PCNT: variants seen among roughly 807,000 people sequenced by gnomAD.
PCNT encodes the protein kendrin.
Under a neutral mutation model 380.4 loss-of-function variants are expected in PCNT, and 319 were observed. The observed-to-expected ratio is 0.84, with a 90% CI of 0.77 to 0.92. PCNT has a LOEUF of 0.92. Ranked by LOEUF, PCNT falls within the 40% of genes least tolerant of loss-of-function variation. The pLI is 0.00. For missense variants in PCNT, 4,400 were observed against 4,255.3 expected (o/e 1.03, Z -0.95); for synonymous variants, 1,845 against 1,735.2 (o/e 1.06, Z -1.57).
intron 16 of PCNT, among the ~76,000 whole-genome samples, chr21:46,384,886 A>G (rs1437287125): frequency 6.6e-6 from 1 of 152,220 alleles, no homozygotes; most frequent in Non-Finnish European, 1.5e-5. Context: ...TGCATAGTTC[A>G]GTGGTGCAAG....
intron 31 of PCNT, among the ~76,000 whole-genome samples, chr21:46,418,977 T>G (rs942075225): frequency 6.6e-6 from 1 of 152,220 alleles, no homozygotes; most frequent in African/African-American, 2.4e-5. Flanking sequence ...TTCTCTTCCC[T>G]CTCATGCTCA....
At chr21:46,428,333 G>A (rs2087595797) in intron 34 of PCNT, 62 bp from the exon 35 acceptor site, 1 of 1,491,366 alleles carries the variant, frequency 6.7e-7, no homozygotes, top group Non-Finnish European at 9.2e-7. Context: ...CGGGCAGCAG[G>A]GAAGGCCGGG....
At chr21:46,351,310 T>G in intron 8 of PCNT, 119 bp from the exon 9 acceptor site, 1 of 749,424 alleles carries the variant, frequency 1.3e-6, no homozygotes, top group Non-Finnish European at 2.5e-6. Context: ...AGCTGCAGGT[T>G]TGGGATGTGA....
In PCNT at chr21:46,399,650, C is replaced by G. The variant is rs956069303; in HGVS notation, c.4645C>G (p.Gln1549Glu). 6.2e-7 allele frequency: 1 copy of G among 1,613,742 alleles called. No homozygotes were observed. Among genetic ancestry groups the G allele is most frequent in the Non-Finnish European group, 8.5e-7 (1 of 1,179,702 alleles). ...GGATGAATTTAATGAATTGGCTATA[C>G]AGAAAGAGTCGGCAGATAGACAAGT... ...KLDEFNELAI[Q>E]KESADRQVLM... The change falls in exon 25 of 47, where the codon CAG becomes GAG. Residue 1549 changes from glutamine to glutamate, a missense_variant. Coordinates refer to ENST00000359568, the MANE Select transcript of PCNT (RefSeq NM_006031.6).
chr21:46,358,200 G>C (rs781000842), intron 13 of PCNT, among the ~76,000 whole-genome samples: 4 of 152,138 alleles, frequency 2.6e-5, no homozygotes, highest in African/African-American at 4.8e-5. Context: ...GGTCCATCCC[G>C]TGCCAGAGCA....
rs886057178 is a variant in PCNT, at chr21:46,346,810, A to T, written c.788A>T (p.Glu263Val). Reference protein sequence around the residue: ...SLSNMHTAQLELTQANLQKEK... With the variant: ...SLSNMHTAQLVLTQANLQKEK... ...AGCAACATGCACACGGCGCAGCTGG[A>T]GCTGACACAGGCCAACCTCCAGAAG... Residue 263 changes from glutamate to valine, a missense_variant, in exon 5 of 47, where the codon GAG (glutamate) becomes GTG (valine). Physicochemically the swap from Glu to Val is moderately radical, Grantham distance 121. Coordinates refer to ENST00000359568, the MANE Select transcript of PCNT (RefSeq NM_006031.6). 1 of 1,603,266 alleles carries T rather than the reference A, an allele frequency of 6.2e-7. No individual in the cohort carries two copies. Among genetic ancestry groups the T allele is most frequent in the Non-Finnish European group, 8.5e-7 (1 of 1,175,798 alleles).
At chr21:46,402,186 G>T in intron 26 of PCNT, 145 bp from the exon 27 acceptor site, 1 of 582,360 alleles carries the variant, frequency 1.7e-6, no homozygotes, top group Non-Finnish European at 2.9e-6. Context: ...TTTACCATTT[G>T]TGTGCGGGTA....
chr21:46,411,147 T>C (rs766370109), intron 27 of PCNT, 42 bp from the exon 28 acceptor site: 3 of 1,590,138 alleles, frequency 1.9e-6, no homozygotes, highest in South Asian at 1.1e-5. Context: ...CATTCGGAAG[T>C]GGATACATTT....
chr21:46,443,537 C>T (rs886727636), intron 44 of PCNT, among the ~76,000 whole-genome samples: 3 of 152,200 alleles, frequency 2.0e-5, no homozygotes, highest in South Asian at 2.1e-4. Flanking sequence ...CTCCTCAGAG[C>T]GGATAGAGGC....
intron 41 of PCNT, among the ~76,000 whole-genome samples, chr21:46,439,242 A>G (rs1206356559): frequency 6.6e-6 from 1 of 152,156 alleles, no homozygotes; most frequent in Non-Finnish European, 1.5e-5. Context: ...AAAGAGCAGC[A>G]GGCATCTCCG....
Position 46,345,473 on chromosome 21 carries a change from C to T in PCNT, c.640-655C>T, listed in dbSNP as rs573618575. On this transcript the variant is annotated intron_variant, in intron 3 of 46. Coordinates refer to ENST00000359568, the MANE Select transcript of PCNT (RefSeq NM_006031.6). ...CCTCAGGTAATCTGCCTGCCTCGGCCTCCCAAATTCTGGGATTATAGGCGT... is the reference window on the plus strand; with the variant it reads ...CCTCAGGTAATCTGCCTGCCTCGGCTTCCCAAATTCTGGGATTATAGGCGT... Among the ~76,000 whole-genome samples the T allele has an allele frequency of 7.2e-5, 11 of 152,314 alleles. No individual in the cohort carries two copies. In the South Asian group the frequency reaches 2.3e-3, roughly 32 times the overall value.
intron 15 of PCNT, among the ~76,000 whole-genome samples, chr21:46,376,286 G>A (rs1234993698): frequency 1.3e-5 from 2 of 152,214 alleles, no homozygotes; most frequent in Non-Finnish European, 2.9e-5. Flanking sequence ...ATTGTTACAC[G>A]GTAGGCCTCT....
intron 29 of PCNT, among the ~76,000 whole-genome samples, chr21:46,415,648 G>A (rs1053262300): frequency 1.3e-5 from 2 of 152,106 alleles, no homozygotes; most frequent in Non-Finnish European, 2.9e-5. Flanking sequence ...CTCCCAAAAT[G>A]CTAGGATTAC....
At chr21:46,390,545 G>T in intron 19 of PCNT, 125 bp from the exon 20 acceptor site, 9 of 986,568 alleles carry the variant, frequency 9.1e-6, no homozygotes, top group Non-Finnish European at 1.5e-5. Flanking sequence ...CGTCACCCTG[G>T]CCTGGCCCTG....
intron 21 of PCNT, among the ~76,000 whole-genome samples, chr21:46,392,697 G>A (rs533146342): frequency 6.6e-6 from 1 of 152,190 alleles, no homozygotes; most frequent in African/African-American, 2.4e-5. Flanking sequence ...CCCAGGGGGC[G>A]TTTTCCAGGG....
rs1569241859 is a variant in PCNT at position 46,391,176 on chromosome 21, G to C, written c.4016G>C (p.Gly1339Ala). ...GTCTCCCACAAAGGTACCCTTGAGG[G>C]ATTCAAGGTGGAGACAGCAGATCTG... ...ELHKTQGTLEGFKVETADLKE... is the reference protein window; with the variant it reads ...ELHKTQGTLEAFKVETADLKE... The change falls in exon 21 of 47, where the codon GGA becomes GCA. Residue 1339 changes from glycine (G) to alanine (A), a missense_variant. By Grantham distance (60) the Gly-to-Ala change is moderately conservative. Coordinates refer to ENST00000359568, the MANE Select transcript of PCNT (RefSeq NM_006031.6). 6.2e-7 allele frequency: 1 copy of C among 1,600,816 alleles called. No homozygotes were observed.
At chr21:46,372,195 C>T (rs749928338) in intron 15 of PCNT, among the ~76,000 whole-genome samples, 1 of 151,232 alleles carries the variant, frequency 6.6e-6, no homozygotes, top group East Asian at 1.9e-4. Flanking sequence ...ACACAGCACA[C>T]ACACAGAGAG....
chr21:46,344,130 T>A (rs901150270), intron 3 of PCNT, among the ~76,000 whole-genome samples: 1 of 151,758 alleles, frequency 6.6e-6, no homozygotes, highest in Admixed American at 6.6e-5. Flanking sequence ...AGTGGCGCGA[T>A]CTCTGTTCAC....
rs915960240 is a variant in PCNT at position 46,385,885 on chromosome 21, G to C, written c.3366G>C (p.Glu1122Asp). Residue 1122 changes from glutamate to aspartate, a missense_variant, in exon 17 of 47, where the codon GAG (glutamate) becomes GAC (aspartate). Physicochemically the swap from Glu to Asp is conservative, Grantham distance 45 (BLOSUM62 2). Transcript: ENST00000359568. ...ACGAGATAGAAGAGTGCCGCTCCGAGTTGGAGGTGCTGCAGCAGAGGCGGG... is the reference window on the plus strand; with the variant it reads ...ACGAGATAGAAGAGTGCCGCTCCGACTTGGAGGTGCTGCAGCAGAGGCGGG... ...LSHEIEECRS[E>D]LEVLQQRRER... 2.5e-6 allele frequency: 4 copies of C among 1,614,242 alleles called. No individual in the cohort carries two copies. Among genetic ancestry groups the C allele is most frequent in the Middle Eastern group, 1.6e-4 (1 of 6,062 alleles).
Sources: gnomAD v4.1 joint callset for allele counts (sites outside exome capture counted in the v4.1 genomes callset) on GRCh38, gnomAD v4.1.1 for gene constraint, MANE v1.5 for transcripts, NCBI Gene and HGNC (gene_info 2026-07-23, HGNC 2026-07-21) for gene names.